The following ZBTB45 variants were observed in gnomAD, a reference collection of about 807,000 sequenced individuals.
ZBTB45 encodes zinc finger and BTB domain containing 45, also known as zinc finger and BTB domain-containing protein 45.
A neutral mutation model predicts 28.4 loss-of-function variants in ZBTB45; 22 were observed. The observed-to-expected ratio is 0.77, with a 90% CI of 0.55 to 1.10. The LOEUF (loss-of-function observed/expected upper bound fraction) is 1.10. ZBTB45 is among the 50% of genes least tolerant of loss of function. The pLI is 0.00. For synonymous variants in ZBTB45, 361 were observed against 332.3 expected (o/e 1.09, Z -0.94); for missense variants, 656 against 750.2 (o/e 0.87, Z 1.47).
intron 2 of ZBTB45, among the ~76,000 whole-genome samples, chr19:58,514,760 C>G (rs2053468972): frequency 6.6e-6 from 1 of 152,180 alleles, no homozygotes; most frequent in African/African-American, 2.4e-5. Context: ...CCCCCTCAAC[C>G]CCTACCCACC....
intron 1 of ZBTB45, among the ~76,000 whole-genome samples, chr19:58,525,817 G>A (rs551277087): frequency 4.6e-5 from 7 of 152,164 alleles, no homozygotes; most frequent in African/African-American, 1.2e-4. Flanking sequence ...TGAGAACTCC[G>A]GAAGAAGGAG....
rs1280720294 is a variant in ZBTB45 at position 58,513,900 on chromosome 19, G to A, written c.*154C>T. On this transcript the variant is annotated 3_prime_UTR_variant, in exon 3 of 3. Coordinates refer to ENST00000594051, the MANE Select transcript of ZBTB45 (RefSeq NM_001316979.2). ...GGAGGAGAGGAGTAAGGCGGACTTA[G>A]GCCCTGGTATGGAGAAAGGGTGAAG... 3.1e-6 allele frequency: 3 copies of A among 964,670 alleles called. No individual in the cohort carries two copies. The highest frequency in any genetic ancestry group is 4.2e-6 in the Non-Finnish European group (3 of 716,278). The allele number at this position is 964,670 out of a possible 1,614,324, so 59.8% of individuals were successfully genotyped here.
chr19:58,514,432 C>T, intron 2 of ZBTB45, 122 bp from the exon 3 acceptor site: 2 of 1,271,436 alleles, frequency 1.6e-6, no homozygotes, highest in Non-Finnish European at 2.1e-6. Flanking sequence ...CCCGAACCAC[C>T]ACCCCGGGAT....
chr19:58,532,585 C>T lies in ZBTB45; in HGVS notation c.-1+6116G>A, dbSNP rs150746448. Among the ~76,000 whole-genome samples, 1,188 of 152,208 alleles carry T rather than the reference C, an allele frequency of 7.8e-3. 14 individuals carry two copies. Among genetic ancestry groups the T allele is most frequent in the Middle Eastern group, 0.054 (16 of 294 alleles). ...TTTTGAGATGGAGTTTCGCGCTTAT[C>T]GCCAAGGCTGGAGTGCAGTGTCACA... On this transcript the variant is annotated intron_variant, in intron 1 of 1. Coordinates refer to the ZBTB45 transcript ENST00000600130.
rs1329187244 is a variant in ZBTB45 at position 58,526,553 on chromosome 19, A to C, written c.1-8880T>G. On this transcript the variant is annotated intron_variant, in intron 1 of 1. Coordinates refer to the ZBTB45 transcript ENST00000600130. ...TTTTTTTTTTTTTTTTTTTTTTGAG[A>C]TGGAGTCTCGCTCTGTCGCCCAGGC... is the stretch of plus-strand genomic sequence containing the variant. Among the ~76,000 whole-genome samples the C allele has an allele frequency of 7.2e-3, 695 of 95,966 alleles. 10 individuals carry two copies. Among genetic ancestry groups the C allele is most frequent in the African/African-American group, 0.026 (645 of 25,268 alleles). The allele number at this position is 95,966 out of a possible 152,430, so 63.0% of individuals were successfully genotyped here. A position where few individuals can be genotyped will look rare whatever the true frequency, so the allele number is the denominator to read the frequency against.
chr19:58,514,426 A>G, intron 2 of ZBTB45, 116 bp from the exon 3 acceptor site: 3 of 1,226,910 alleles, frequency 2.4e-6, no homozygotes, highest in Non-Finnish European at 3.2e-6. Flanking sequence ...TCCCCTCCCG[A>G]ACCACCACCC....
chr19:58,520,944 C>G (rs1275963427), upstream of ZBTB45, among the ~76,000 whole-genome samples: 1 of 146,464 alleles, frequency 6.8e-6, no homozygotes, highest in Non-Finnish European at 1.5e-5. Flanking sequence ...CCCAGCTACT[C>G]GGGAGACTGA....
rs761271403 is a variant in ZBTB45, at chr19:58,516,789, A to G, written c.885T>C (p.Asp295=). The G allele has an allele frequency of 3.2e-5, 52 of 1,613,758 alleles. 1 individual carries two copies. In the East Asian group the frequency reaches 1.1e-3, roughly 35 times the overall value. ...TGGGACAGCCTTCGGGGACAGCGCCATCCTCGTCGTGCCAAGTGGATACAT... is the reference window on the plus strand; with the variant it reads ...TGGGACAGCCTTCGGGGACAGCGCCGTCCTCGTCGTGCCAAGTGGATACAT... ...DSYVSTWHDE[D]GAVPEGCPTE... Residue 295 remains aspartate (D), a synonymous_variant, in exon 2 of 3, where the codon GAT becomes GAC. Transcript: ENST00000594051. The surrounding 1 kb of genome is among the most constrained non-coding windows in gnomAD (Gnocchi z 6.2).
At chr19:58,534,010 G>A (rs1252312338) in intron 1 of ZBTB45, among the ~76,000 whole-genome samples, 1 of 152,200 alleles carries the variant, frequency 6.6e-6, no homozygotes, top group Non-Finnish European at 1.5e-5. Context: ...GTGTTTTATG[G>A]GTAGGCAAAG....
intron 1 of ZBTB45, among the ~76,000 whole-genome samples, chr19:58,530,915 C>T (rs1488233836): frequency 6.6e-6 from 1 of 152,074 alleles, no homozygotes; most frequent in Non-Finnish European, 1.5e-5. Context: ...GATCTCCCGA[C>T]CTCATGATCC....
upstream of ZBTB45, among the ~76,000 whole-genome samples, chr19:58,521,575 GT>G (rs1274351570): frequency 6.6e-6 from 1 of 152,038 alleles, no homozygotes; most frequent in Non-Finnish European, 1.5e-5. Flanking sequence ...CTATGGAATG[GT>G]GAGCTAATAA....
At chr19:58,518,642 G>C (rs1330915972) in intron 1 of ZBTB45, among the ~76,000 whole-genome samples, 4 of 152,090 alleles carry the variant, frequency 2.6e-5, no homozygotes, top group Non-Finnish European at 5.9e-5. Flanking sequence ...GAGGACTCTG[G>C]AATCTGAGGA....
chr19:58,526,811 G>A (rs560189860), intron 1 of ZBTB45, among the ~76,000 whole-genome samples: 25 of 151,630 alleles, frequency 1.6e-4, no homozygotes, highest in Admixed American at 6.6e-5. Context: ...GATTACAGGC[G>A]TGAGCCACCG....
chr19:58,516,458 T>A lies in ZBTB45; in HGVS notation c.1216A>T (p.Ser406Cys). The change falls in exon 2 of 3, where the codon AGC becomes TGC. Residue 406 changes from serine to cysteine, a missense_variant. Ser to Cys is a moderately radical substitution (Grantham distance 112, BLOSUM62 -1). Around this residue, in one of 3 missense-constraint regions of ZBTB45, gnomAD observed 448 missense variants for 444.3 expected, o/e 1.01. Coordinates refer to ENST00000594051, the MANE Select transcript of ZBTB45 (RefSeq NM_001316979.2). The surrounding 1 kb of genome is among the most constrained non-coding windows in gnomAD (Gnocchi z 6.2). ...PGAEPPTYEC[S>C]HCRKTFSSRK... ...GAGCTGAACGTCTTGCGACAGTGGC[T>A]GCACTCATACGTAGGTGGCTCAGCA... is the stretch of plus-strand genomic sequence containing the variant. 6.2e-7 allele frequency: 1 copy of A among 1,614,008 alleles called. No individual in the cohort carries two copies. Among genetic ancestry groups the A allele is most frequent in the Non-Finnish European group, 8.5e-7 (1 of 1,179,890 alleles).
At chr19:58,526,819 C>A (rs1224264856) in intron 1 of ZBTB45, among the ~76,000 whole-genome samples, 3 of 151,776 alleles carry the variant, frequency 2.0e-5, no homozygotes, top group Non-Finnish European at 2.9e-5. Context: ...GCGTGAGCCA[C>A]CGCGCCCGGC....
At chr19:58,529,410 C>T (rs1010542685) in intron 1 of ZBTB45, among the ~76,000 whole-genome samples, 1 of 152,148 alleles carries the variant, frequency 6.6e-6, no homozygotes, top group Non-Finnish European at 1.5e-5. Context: ...AGAGCAAGAC[C>T]CTATCTCAAT....
In ZBTB45 at chr19:58,515,770, C is replaced by T. The variant is rs1568640143; in HGVS notation, c.1279+625G>A. Among the ~76,000 whole-genome samples the T allele has an allele frequency of 6.6e-6, 1 of 152,216 alleles. No individual in the cohort carries two copies. The highest frequency in any genetic ancestry group is 1.5e-5 in the Non-Finnish European group (1 of 68,042). Reference sequence around the variant, plus strand: ...TCACCACATTCCCCAGTACCACCCTCCCACTCTTTACCTCTCCTGCAGCAC... The same window carrying T: ...TCACCACATTCCCCAGTACCACCCTTCCACTCTTTACCTCTCCTGCAGCAC... On this transcript the variant is annotated intron_variant, in intron 2 of 2. Transcript: ENST00000594051. This position sits in a 1 kb window ranked among gnomAD's most constrained non-coding sequence, Gnocchi z 4.7.
At chr19:58,514,682 G>A (rs1386939548) in intron 2 of ZBTB45, among the ~76,000 whole-genome samples, 1 of 152,066 alleles carries the variant, frequency 6.6e-6, no homozygotes. Flanking sequence ...AAGGAACCCA[G>A]CCTGTCTGGA....
intron 1 of ZBTB45, among the ~76,000 whole-genome samples, chr19:58,528,620 C>T (rs909027464): frequency 2.0e-5 from 3 of 151,056 alleles, no homozygotes; most frequent in Non-Finnish European, 3.0e-5. Flanking sequence ...TTAGGCTGGG[C>T]GCAGTGGCTC....
Sources: allele counts gnomAD v4.1 joint callset (sites outside exome capture counted in the v4.1 genomes callset), GRCh38; gene constraint gnomAD v4.1.1; regional missense constraint gnomAD v4.1.1; non-coding constraint Gnocchi (gnomAD v3.1); transcripts MANE v1.5; gene names NCBI Gene and HGNC (gene_info 2026-07-23, HGNC 2026-07-21).